RBM39: variants seen among roughly 807,000 people sequenced by gnomAD.
RBM39 encodes RNA-binding protein 39.
In RBM39, 12 loss-of-function variants were observed where a neutral mutation model predicts 79.6. That is an observed-to-expected ratio of 0.15 (90% CI 0.10 to 0.24). The LOEUF (loss-of-function observed/expected upper bound fraction) is 0.24, where lower values mean the gene tolerates loss of function less well. Among genes scored for constraint, RBM39 ranks in the 10% least tolerant of loss-of-function variants. The probability of loss-of-function intolerance (pLI) is 1.00; values close to 1 mark genes in which losing one functional copy is unlikely to be tolerated. For missense variants in RBM39, 243 were observed against 653.4 expected (o/e 0.37, Z 6.85); for synonymous variants, 185 against 208.4 (o/e 0.89, Z 0.97).
chr20:35,702,206 G>C lies in RBM39; in HGVS notation c.*2275C>G, dbSNP rs1367234432. 6.6e-6 allele frequency: 1 copy of C among 152,132 alleles called. No individual in the cohort carries two copies. Among genetic ancestry groups the C allele is most frequent in the Non-Finnish European group, 1.5e-5 (1 of 68,026 alleles). The allele number at this position is 152,132 out of a possible 1,614,324, so 9.4% of individuals were successfully genotyped here. A position where few individuals can be genotyped will look rare whatever the true frequency, so the allele number is the denominator to read the frequency against. On this transcript the variant is annotated 3_prime_UTR_variant, in exon 17 of 17. Transcript: ENST00000253363. ...CAAAGATGGTAGTAATTATTATAAA[G>C]ATAAAAGAAAACTAGATGAACACTT...
At chr20:35,726,843 T>C in intron 6 of RBM39, among the ~76,000 whole-genome samples, 1 of 152,088 alleles carries the variant, frequency 6.6e-6, no homozygotes, top group East Asian at 1.9e-4. Flanking sequence ...TTTTTTCTTT[T>C]TGGAAACGCA....
chr20:35,723,474 T>C (rs2038251456), intron 8 of RBM39, among the ~76,000 whole-genome samples: 1 of 152,200 alleles, frequency 6.6e-6, no homozygotes, highest in Non-Finnish European at 1.5e-5. Flanking sequence ...TCTTGGTTCT[T>C]GTCGCCCAGG....
intron 12 of RBM39, among the ~76,000 whole-genome samples, chr20:35,709,578 G>T (rs775486169): frequency 1.3e-5 from 2 of 152,068 alleles, no homozygotes; most frequent in African/African-American, 4.8e-5. Flanking sequence ...GAAGCACACC[G>T]GTCAGAAAAT....
rs778253593 is a variant in RBM39, at chr20:35,729,466, A to T, written c.358T>A (p.Leu120Ile). 9 of 1,613,770 alleles carry T rather than the reference A, an allele frequency of 5.6e-6. 1 individual carries two copies. The Admixed American group carries it at 1.5e-4, about 27-fold the overall frequency. ...TTCAGAAGTATGTTTAAAAACCTTA[A>T]TTTGATGCTATGAGGCAACCCAATC... ...GKIGLPHSIK[L>I]SRRRSRSKSP... Residue 120 changes from leucine (L) to isoleucine (I), a missense_variant, in exon 5 of 17, where the codon TTA becomes ATA. Leu to Ile is a conservative substitution (Grantham distance 5). Around this residue, in one of 4 missense-constraint regions of RBM39, gnomAD observed 115 missense variants for 184.1 expected, o/e 0.62. Coordinates refer to ENST00000253363, the MANE Select transcript of RBM39 (RefSeq NM_184234.3).
At position 35,731,822 on chromosome 20, in the gene RBM39, T is replaced by C. The variant is rs964316187; in HGVS notation, c.296+119A>G. 2.0e-5 allele frequency: 19 copies of C among 951,384 alleles called. No individual in the cohort carries two copies. In the Admixed American group the frequency reaches 3.1e-4, roughly 15 times the overall value. The allele number at this position is 951,384 out of a possible 1,614,324, so 58.9% of individuals were successfully genotyped here. A position where few individuals can be genotyped will look rare whatever the true frequency, so the allele number is the denominator to read the frequency against. ...TTCAATGCCAATATCCTTAATTCAA[T>C]ACTTTTTAACCAATCATTAAAAAAA... On this transcript the variant is annotated intron_variant, in intron 4 of 16. Coordinates refer to ENST00000253363, the MANE Select transcript of RBM39 (RefSeq NM_184234.3).
At chr20:35,706,495 T>G (rs959002742) in intron 14 of RBM39, among the ~76,000 whole-genome samples, 3 of 152,164 alleles carry the variant, frequency 2.0e-5, no homozygotes. Flanking sequence ...ATATGAAATG[T>G]AACTTATTGA....
intron 12 of RBM39, among the ~76,000 whole-genome samples, chr20:35,711,837 C>T (rs140997914): frequency 1.6e-4 from 25 of 152,216 alleles, no homozygotes; most frequent in African/African-American, 5.3e-4. Flanking sequence ...AGTCTCACTT[C>T]GTATATATAT....
At chr20:35,722,026 G>A (rs2038002307) in intron 8 of RBM39, 149 bp from the exon 9 acceptor site, 1 of 881,324 alleles carries the variant, frequency 1.1e-6, no homozygotes, top group Non-Finnish European at 1.7e-6. Context: ...CTTAATAGGA[G>A]GCATCTAGAA....
At chr20:35,733,517 G>A (rs996080664) in intron 3 of RBM39, among the ~76,000 whole-genome samples, 4 of 152,008 alleles carry the variant, frequency 2.6e-5, no homozygotes, top group African/African-American at 9.7e-5. Context: ...GCTGAGGCAG[G>A]AGAATCGCTT....
intron 6 of RBM39, among the ~76,000 whole-genome samples, chr20:35,728,937 ATGG>A (rs2039062926): frequency 6.6e-6 from 1 of 151,588 alleles, no homozygotes; most frequent in Non-Finnish European, 1.5e-5. Context: ...ATAGCGAGGC[ATGG>A]TGGTGCATGC....
chr20:35,705,805 A>T (rs1400819740), intron 14 of RBM39, among the ~76,000 whole-genome samples: 1 of 151,872 alleles, frequency 6.6e-6, no homozygotes, highest in Non-Finnish European at 1.5e-5. Flanking sequence ...AAAAAAAGTT[A>T]AAAGATACAG....
chr20:35,740,738 G>GGAGGT, intron 2 of RBM39, 86 bp downstream of exon 2: 1 of 1,409,034 alleles, frequency 7.1e-7, no homozygotes, highest in Non-Finnish European at 1.0e-6. Context: ...AGGGCTCCGG[G>GGAGGT]GAGGTTAGTT....
chr20:35,713,921 A>G (rs901389929), intron 11 of RBM39: 2 of 337,564 alleles, frequency 5.9e-6, no homozygotes, highest in East Asian at 1.1e-4. Flanking sequence ...CTGCAACTAA[A>G]TTTATTCCTA....
At chr20:35,733,650 ATT>A (rs2039616551) in intron 3 of RBM39, among the ~76,000 whole-genome samples, 1 of 152,148 alleles carries the variant, frequency 6.6e-6, no homozygotes, top group Non-Finnish European at 1.5e-5. Flanking sequence ...TTAAAATACA[ATT>A]TGACATTCCT....
chr20:35,731,986 G>T lies in RBM39; in HGVS notation c.251C>A (p.Ser84Ter). The T allele has an allele frequency of 6.2e-7, 1 of 1,614,088 alleles. No homozygotes were observed. The highest frequency in any genetic ancestry group is 1.3e-5 in the African/African-American group (1 of 75,028). Residue 84 changes from serine to a stop codon, truncating the protein, a stop_gained, in exon 4 of 17, where the codon TCA becomes TAA. Transcript: ENST00000253363. LOFTEE classifies it high-confidence loss of function. The part of the protein sequence containing the change: ...SRSKERRRSR[S>*]RSRDRRFRGR... ...TCTAAATCTTCGATCTCGACTTCTT[G>T]AGCGGCTCCGTCGCCTCTCTTTGCT... is the stretch of plus-strand genomic sequence containing the variant.
Position 35,742,044 on chromosome 20 carries a change from C to A in RBM39, c.-117G>T. The A allele has an allele frequency of 9.2e-6, 2 of 216,450 alleles. No individual in the cohort carries two copies. Among genetic ancestry groups the A allele is most frequent in the Middle Eastern group, 8.3e-4 (1 of 1,212 alleles). The allele number at this position is 216,450 out of a possible 1,614,324, so 13.4% of individuals were successfully genotyped here. On this transcript the variant is annotated 5_prime_UTR_variant, in exon 1 of 17. Transcript: ENST00000253363. ...GCCGCTTCTGTTGCTACTGTTAAGC[C>A]CCTAGGCCCAGGCCGCGGAACCGCC...
In RBM39 at chr20:35,704,413, A is replaced by G. The variant is rs2035479083; in HGVS notation, c.*68T>C. 8.8e-7 allele frequency: 1 copy of G among 1,134,904 alleles called. No individual in the cohort carries two copies. Among genetic ancestry groups the G allele is most frequent in the Admixed American group, 2.3e-5 (1 of 43,240 alleles). The allele number at this position is 1,134,904 out of a possible 1,614,324, so 70.3% of individuals were successfully genotyped here. On this transcript the variant is annotated 3_prime_UTR_variant, in exon 17 of 17. Transcript: ENST00000253363. ...CTTGCCTCTTTATTTTTATCTAAAT[A>G]AAAGATAACTCAAGATGAATTCTCA... is the stretch of plus-strand genomic sequence containing the variant.
At chr20:35,715,479 A>G (rs1043051491) in intron 10 of RBM39, among the ~76,000 whole-genome samples, 1 of 152,162 alleles carries the variant, frequency 6.6e-6, no homozygotes, top group Non-Finnish European at 1.5e-5. Context: ...CACAGCCCAA[A>G]AACACTTTTG....
chr20:35,729,416 G>C (rs559536712), intron 5 of RBM39, 46 bp downstream of exon 5: 1 of 1,607,830 alleles, frequency 6.2e-7, no homozygotes, highest in East Asian at 2.2e-5. Context: ...CAGCATGTTA[G>C]TTCCTTGAAA....
Sources: gnomAD v4.1 joint callset for allele counts (sites outside exome capture counted in the v4.1 genomes callset) on GRCh38, gnomAD v4.1.1 for gene constraint, gnomAD v4.1.1 regional missense constraint, MANE v1.5 for transcripts, NCBI Gene and HGNC (gene_info 2026-07-23, HGNC 2026-07-21) for gene names.